TUSC7: variants seen among roughly 807,000 people sequenced by gnomAD.
TUSC7 encodes tumor suppressor candidate 7.
chr3:116,714,743 G>A (rs1261982077), intron 1 of TUSC7, among the ~76,000 whole-genome samples: 1 of 152,022 alleles, frequency 6.6e-6, no homozygotes, highest in Non-Finnish European at 1.5e-5. Flanking sequence ...TTCTCATATA[G>A]CCCCTCCCTC....
rs138243954 is a variant in TUSC7 at position 116,713,579 on chromosome 3, A to G, written n.98+3703A>G. ...GGTACGAACACTGTTGTTTCTAACT[A>G]GAGTTTTAAGCCTAAATCTGTAGAA... On this transcript the variant is annotated intron_variant and non_coding_transcript_variant, in intron 1 of 2. Coordinates refer to ENST00000477805, the Ensembl canonical transcript of TUSC7. 2.1e-4 allele frequency among the ~76,000 whole-genome samples: 32 copies of G among 152,336 alleles called. No individual in the cohort carries two copies. The East Asian group carries it at 6.0e-3, about 28-fold the overall frequency.
chr3:116,710,817 T>C (rs2051456686), intron 1 of TUSC7, among the ~76,000 whole-genome samples: 1 of 152,124 alleles, frequency 6.6e-6, no homozygotes. Context: ...TAAGGAGTTA[T>C]TGTGCCTTTC....
intron 1 of TUSC7, chr3:116,710,159 T>C (rs2051451155): frequency 6.6e-6 from 1 of 152,192 alleles, no homozygotes; most frequent in African/African-American, 2.4e-5. Flanking sequence ...TTCAGTGGTA[T>C]TGTATATATG....
At chr3:116,716,065 A>C (rs909460675) in intron 1 of TUSC7, 1 of 152,240 alleles carries the variant, frequency 6.6e-6, no homozygotes, top group Non-Finnish European at 1.5e-5. Flanking sequence ...CAAAGGCCTT[A>C]AATGTAAATC....
intron 1 of TUSC7, chr3:116,712,874 A>T (rs1007158938): frequency 3.3e-5 from 5 of 152,186 alleles, no homozygotes; most frequent in African/African-American, 1.2e-4. Context: ...GAGAGAATAA[A>T]TAGTATCTGT....
At chr3:116,710,669 GAA>G (rs1207842655) in intron 1 of TUSC7, among the ~76,000 whole-genome samples, 5 of 152,084 alleles carry the variant, frequency 3.3e-5, no homozygotes, top group African/African-American at 1.2e-4. Flanking sequence ...TCACTACTCT[GAA>G]ACTTATAAGC....
chr3:116,710,199 A>G (rs2051451367), intron 1 of TUSC7: 1 of 152,180 alleles, frequency 6.6e-6, no homozygotes, highest in African/African-American at 2.4e-5. Flanking sequence ...TACTATTCCC[A>G]CAAGTGTAAG....
chr3:116,710,170 C>T (rs1480437429), intron 1 of TUSC7: 1 of 152,052 alleles, frequency 6.6e-6, no homozygotes, highest in Non-Finnish European at 1.5e-5. Flanking sequence ...TGTATATATG[C>T]CCATATAATT....
At chr3:116,716,473 T>A (rs1404900527) in intron 1 of TUSC7, 1 of 152,066 alleles carries the variant, frequency 6.6e-6, no homozygotes, top group African/African-American at 2.4e-5. Flanking sequence ...ATCTAAGAGA[T>A]ACAAAGGGAA....
At chr3:116,710,178 A>G (rs563818575) in intron 1 of TUSC7, 1 of 152,274 alleles carries the variant, frequency 6.6e-6, no homozygotes, top group East Asian at 1.9e-4. Flanking sequence ...TGCCCATATA[A>G]TTTTTTGGAT....
intron 1 of TUSC7, among the ~76,000 whole-genome samples, chr3:116,713,708 G>A (rs2051481533): frequency 1.3e-5 from 2 of 152,192 alleles, no homozygotes; most frequent in Non-Finnish European, 2.9e-5. Context: ...GCTCACGCCT[G>A]TAATCCCAGC....
At chr3:116,712,165 G>A (rs1212178721) in intron 1 of TUSC7, among the ~76,000 whole-genome samples, 1 of 152,160 alleles carries the variant, frequency 6.6e-6, no homozygotes, top group Admixed American at 6.5e-5. Flanking sequence ...CTGATTTACA[G>A]CATTATGCTC....
chr3:116,710,639 A>C (rs939099554), intron 1 of TUSC7, among the ~76,000 whole-genome samples: 5 of 152,148 alleles, frequency 3.3e-5, no homozygotes, highest in Non-Finnish European at 7.4e-5. Context: ...CTTTTCATGC[A>C]ATGCAAATTA....
intron 1 of TUSC7, among the ~76,000 whole-genome samples, chr3:116,712,056 A>T (rs1408143774): frequency 1.3e-5 from 2 of 152,172 alleles, no homozygotes; most frequent in East Asian, 3.8e-4. Flanking sequence ...TTTGATCCAG[A>T]TTTCCTGTCT....
chr3:116,709,799 G>A (rs2051448618), exon 1 of TUSC7: 1 of 152,120 alleles, frequency 6.6e-6, no homozygotes, highest in South Asian at 2.1e-4. Context: ...GGGTACCAAA[G>A]TCCACTCTGA....
chr3:116,714,420 TTTGAGCATATAAGTTC>T (rs1232802737), intron 1 of TUSC7, among the ~76,000 whole-genome samples: 1 of 152,206 alleles, frequency 6.6e-6, no homozygotes, highest in Non-Finnish European at 1.5e-5. Context: ...TCTGCAAGTT[TTTGAGCATATAAGTTC>T]TTGAGCAGTA....
At chr3:116,715,334 A>G (rs951891246) in intron 1 of TUSC7, among the ~76,000 whole-genome samples, 3 of 152,228 alleles carry the variant, frequency 2.0e-5, no homozygotes, top group African/African-American at 2.4e-5. Context: ...TCCTTTGGGT[A>G]CATAGCAAGG....
intron 1 of TUSC7, chr3:116,716,763 A>T (rs1006284281): frequency 2.0e-5 from 3 of 152,122 alleles, no homozygotes; most frequent in Non-Finnish European, 4.4e-5. Context: ...GACCTTAGAG[A>T]TCATCTACAT....
chr3:116,711,529 A>T (rs1318228329), intron 1 of TUSC7, among the ~76,000 whole-genome samples: 1 of 152,116 alleles, frequency 6.6e-6, no homozygotes, highest in East Asian at 1.9e-4. Context: ...CAGCTTTCTC[A>T]TTCTATGATG....
Sources: allele counts gnomAD v4.1 joint callset (sites outside exome capture counted in the v4.1 genomes callset), GRCh38; gene constraint gnomAD v4.1.1; transcripts MANE v1.5; gene names NCBI Gene and HGNC (gene_info 2026-07-23, HGNC 2026-07-21).